The following PCDHA9 variants were observed in gnomAD, a reference collection of about 807,000 sequenced individuals.
PCDHA9 encodes protocadherin alpha 9, also known as protocadherin alpha-9.
Under a neutral mutation model 62.0 loss-of-function variants are expected in PCDHA9, and 62 were observed. That is an observed-to-expected ratio of 1.00 (90% CI 0.81 to 1.23). PCDHA9 has a LOEUF of 1.23. Ranked by LOEUF, PCDHA9 falls within the 50% of genes most tolerant of loss-of-function variation. PCDHA9 has a pLI of 0.00. For missense variants in PCDHA9, 1,205 were observed against 1,249.8 expected (o/e 0.96, Z 0.54); for synonymous variants, 557 against 567.6 (o/e 0.98, Z 0.27).
intron 1 of PCDHA9, chr5:140,862,407 C>T: frequency 2.8e-6 from 1 of 351,564 alleles, no homozygotes; most frequent in Non-Finnish European, 5.6e-6. Flanking sequence ...TGTCTACCTT[C>T]AAAAGGCGCT....
chr5:140,945,409 T>C (rs945280530), intron 1 of PCDHA9, among the ~76,000 whole-genome samples: 4 of 152,116 alleles, frequency 2.6e-5, no homozygotes, highest in African/African-American at 9.7e-5. Flanking sequence ...ACAATTCGTA[T>C]CAAAATTTCA....
intron 1 of PCDHA9, among the ~76,000 whole-genome samples, chr5:140,892,759 T>C (rs1422670120): frequency 2.0e-5 from 3 of 152,206 alleles, no homozygotes; most frequent in African/African-American, 4.8e-5. Context: ...ACATTTAAAA[T>C]CCACTCTTCT....
chr5:140,873,461 T>A (rs2054305243), intron 1 of PCDHA9, among the ~76,000 whole-genome samples: 1 of 152,224 alleles, frequency 6.6e-6, no homozygotes, highest in Admixed American at 6.5e-5. Context: ...GCATTTTAGA[T>A]AATTCAAATT....
intron 1 of PCDHA9, among the ~76,000 whole-genome samples, chr5:140,977,512 G>GAAACTTGA: frequency 3.9e-5 from 6 of 152,278 alleles, no homozygotes; most frequent in Admixed American, 3.9e-4. Context: ...AGCATTTTGT[G>GAAACTTGA]AACTTGAAAA....
Position 140,849,983 on chromosome 5 carries a change from G to A in PCDHA9, c.1488G>A (p.Glu496=), listed in dbSNP as rs1554143561. The part of the protein sequence containing the change: ...ENALVSYSLV[E]RRLGERSLSS... ...CCCTGGTGTCCTACTCGCTGGTGGAGCGGCGGTTGGGCGAGCGCTCGCTGT... is the reference window on the plus strand; with the variant it reads ...CCCTGGTGTCCTACTCGCTGGTGGAACGGCGGTTGGGCGAGCGCTCGCTGT... Residue 496 remains glutamate, a synonymous_variant, in exon 1 of 4, where the codon GAG becomes GAA. Transcript: ENST00000532602. The A allele has an allele frequency of 3.8e-6, 6 of 1,597,534 alleles. No individual in the cohort carries two copies. The highest frequency in any genetic ancestry group is 1.7e-5 in the Admixed American group (1 of 59,324).
At chr5:140,929,404 G>T (rs530409256) in intron 1 of PCDHA9, 1 of 1,506,596 alleles carries the variant, frequency 6.6e-7, no homozygotes, top group South Asian at 1.4e-5. Flanking sequence ...TCTTAGACAA[G>T]CCTTTCACAA....
chr5:140,989,528 G>A (rs1451731382), intron 3 of PCDHA9, among the ~76,000 whole-genome samples: 2 of 152,178 alleles, frequency 1.3e-5, no homozygotes, highest in African/African-American at 4.8e-5. Context: ...GGCAGAGGAG[G>A]AAGATAGTTT....
rs782527785 is a variant in PCDHA9, at chr5:140,882,593, A to C, written c.2394+31704A>C. 1.9e-6 allele frequency: 3 copies of C among 1,614,126 alleles called. No homozygotes were observed. In the African/African-American group the frequency reaches 4.0e-5, roughly 22 times the overall value. On this transcript the variant is annotated intron_variant, in intron 1 of 3. Coordinates refer to ENST00000532602, the MANE Select transcript of PCDHA9 (RefSeq NM_031857.2). ...GGAGTGCAGCATCCACCTGGAGGTG[A>C]TCGTGGACAGGCCTCTGCAGGTTTT...
intron 3 of PCDHA9, among the ~76,000 whole-genome samples, chr5:140,984,822 AC>A (rs1398539032): frequency 6.6e-6 from 1 of 152,126 alleles, no homozygotes; most frequent in Non-Finnish European, 1.5e-5. Flanking sequence ...TTTCTTAATT[AC>A]CCTTTCTGTA....
intron 1 of PCDHA9, chr5:140,876,130 C>T: frequency 6.2e-7 from 1 of 1,613,938 alleles, no homozygotes; most frequent in Non-Finnish European, 8.5e-7. Context: ...TGGCGGTAAA[C>T]CAGAACTAAC....
chr5:140,863,047 C>T, intron 1 of PCDHA9: 1 of 560,864 alleles, frequency 1.8e-6, no homozygotes. Context: ...TGTCAGCTGG[C>T]AGCACCCGTT....
At chr5:141,007,777 T>G (rs1467527710) in intron 3 of PCDHA9, among the ~76,000 whole-genome samples, 2 of 152,226 alleles carry the variant, frequency 1.3e-5, no homozygotes, top group Non-Finnish European at 2.9e-5. Flanking sequence ...GAAATGGTAC[T>G]GCTTTACAAA....
intron 1 of PCDHA9, chr5:140,865,407 G>A (rs2048863469): frequency 6.6e-6 from 1 of 152,160 alleles, no homozygotes; most frequent in Non-Finnish European, 1.5e-5. Flanking sequence ...TGCTGAAAAG[G>A]AATTAGTAGT....
chr5:140,870,552 G>A, intron 1 of PCDHA9: 2 of 1,614,042 alleles, frequency 1.2e-6, no homozygotes, highest in Non-Finnish European at 1.7e-6. Context: ...ACGCGGACGC[G>A]CAGGAGAACG....
At chr5:140,981,284 G>A (rs1554242765) in intron 2 of PCDHA9, among the ~76,000 whole-genome samples, 4 of 152,094 alleles carry the variant, frequency 2.6e-5, no homozygotes, top group Non-Finnish European at 5.9e-5. Context: ...GTTTAAAAGG[G>A]TCCTCTAGTC....
chr5:140,856,505 C>T (rs2150359235), intron 1 of PCDHA9: 1 of 1,598,456 alleles, frequency 6.3e-7, no homozygotes, highest in East Asian at 2.2e-5. Context: ...TCGATTTCCA[C>T]TAGAAGGCGC....
rs2098422801 is a variant in PCDHA9, at chr5:141,012,055, C to T, written c.*2118C>T. On this transcript the variant is annotated 3_prime_UTR_variant, in exon 4 of 4. Coordinates refer to ENST00000532602, the MANE Select transcript of PCDHA9 (RefSeq NM_031857.2). ...GGATTGCATGGGGTAAAACTTGTTA[C>T]CAACACATGTGAACCATTGCTACAT... The T allele has an allele frequency of 6.5e-6, 1 of 153,666 alleles. No individual in the cohort carries two copies. Among genetic ancestry groups the T allele is most frequent in the African/African-American group, 2.4e-5 (1 of 41,404 alleles). 9.5% of individuals were successfully genotyped at this position (153,666 alleles called of 1,614,324 possible).
chr5:140,893,568 C>T (rs1554185659), intron 1 of PCDHA9, among the ~76,000 whole-genome samples: 1 of 152,150 alleles, frequency 6.6e-6, no homozygotes, highest in Non-Finnish European at 1.5e-5. Flanking sequence ...TGTACTTCCT[C>T]AGTTTTTGCT....
chr5:140,960,519 G>C (rs188949970), intron 1 of PCDHA9, among the ~76,000 whole-genome samples: 19 of 152,198 alleles, frequency 1.2e-4, no homozygotes, highest in Admixed American at 1.2e-3. Context: ...AACATAATGG[G>C]TATAGGAAAG....
Sources: gnomAD v4.1 joint callset for allele counts (sites outside exome capture counted in the v4.1 genomes callset) on GRCh38, gnomAD v4.1.1 for gene constraint, MANE v1.5 for transcripts, NCBI Gene and HGNC (gene_info 2026-07-23, HGNC 2026-07-21) for gene names.